The following ADRA1B variants were observed in gnomAD, a reference collection of about 807,000 sequenced individuals.
The protein encoded by ADRA1B is adrenoceptor alpha 1B, also known as alpha-1B adrenergic receptor.
Under a neutral mutation model 17.9 loss-of-function variants are expected in ADRA1B, and 17 were observed. The ratio of observed to expected loss-of-function variants is 0.95; its 90% confidence interval spans 0.65 to 1.42. The LOEUF (loss-of-function observed/expected upper bound fraction) is 1.42, where lower values mean the gene tolerates loss of function less well. Among genes scored for constraint, ADRA1B ranks in the 40% most tolerant of loss-of-function variants. The pLI, the probability that ADRA1B is intolerant of heterozygous loss-of-function variation, is 0.00. For missense variants in ADRA1B, 681 were observed against 722.1 expected (o/e 0.94, Z 0.65); for synonymous variants, 366 against 327.6 (o/e 1.12, Z -1.27).
At chr5:159,929,994 A>G (rs189671327) in intron 1 of ADRA1B, among the ~76,000 whole-genome samples, 13 of 152,326 alleles carry the variant, frequency 8.5e-5, no homozygotes, top group Admixed American at 8.5e-4. Context: ...CACTTCAGTG[A>G]AAGTTTCATT....
At chr5:159,869,675 T>C (rs916321844) in intron 1 of ADRA1B, 1 of 152,246 alleles carries the variant, frequency 6.6e-6, no homozygotes, top group East Asian at 1.9e-4. Context: ...TTCCTGACTT[T>C]GGGGCTGGCA....
At chr5:159,940,805 T>G (rs1274202518) in intron 1 of ADRA1B, among the ~76,000 whole-genome samples, 2 of 152,224 alleles carry the variant, frequency 1.3e-5, no homozygotes, top group African/African-American at 2.4e-5. Context: ...TTCTCTGTAG[T>G]GAGCATGAAT....
rs1050415172 is a variant in ADRA1B at position 159,972,361 on chromosome 5, C to G, written c.1432C>G (p.Leu478Val). 2.0e-6 allele frequency: 3 copies of G among 1,511,652 alleles called. No homozygotes were observed. Among genetic ancestry groups the G allele is most frequent in the South Asian group, 2.4e-5 (2 of 81,830 alleles). 93.6% of individuals were successfully genotyped at this position (1,511,652 alleles called of 1,614,324 possible). The change falls in exon 2 of 2, where the codon CTC becomes GTC. Residue 478 changes from leucine to valine, a missense_variant. Around this residue, in one of 3 missense-constraint regions of ADRA1B, gnomAD observed 251 missense variants for 224.9 expected, o/e 1.12. Transcript: ENST00000306675. ...CTCGGGCCCGCTCTTCACCTTCAAGCTCCTGACCGAGCCCGAGAGCCCCGG... is the reference window on the plus strand; with the variant it reads ...CTCGGGCCCGCTCTTCACCTTCAAGGTCCTGACCGAGCCCGAGAGCCCCGG... Reference protein sequence around the residue: ...HDSGPLFTFKLLTEPESPGTD... With the variant: ...HDSGPLFTFKVLTEPESPGTD...
rs188294825 is a variant in ADRA1B, at chr5:159,946,043, A to C, written c.950-25836A>C. Among the ~76,000 whole-genome samples the C allele has an allele frequency of 2.0e-5, 3 of 152,184 alleles. No individual in the cohort carries two copies. In the South Asian group the frequency reaches 6.2e-4, roughly 31 times the overall value. ...ATTACAGGCGTGAGCCACCGCGCCC[A>C]GCCCGATTTCTGTTTTTAAAGACTT... On this transcript the variant is annotated intron_variant, in intron 1 of 1. Transcript: ENST00000306675.
intron 1 of ADRA1B, among the ~76,000 whole-genome samples, chr5:159,944,867 G>GA (rs1299214007): frequency 2.0e-5 from 3 of 152,086 alleles, no homozygotes; most frequent in African/African-American, 4.8e-5. Context: ...ATACAAGAGT[G>GA]AAAAAAACAG....
chr5:159,955,176 G>A (rs1206545054), intron 1 of ADRA1B: 1 of 985,264 alleles, frequency 1.0e-6, no homozygotes, highest in Non-Finnish European at 1.2e-6. Context: ...TGGAGATGGT[G>A]TACCAGCGTC....
At chr5:159,880,518 TC>T (rs1753851538) in intron 1 of ADRA1B, among the ~76,000 whole-genome samples, 3 of 152,310 alleles carry the variant, frequency 2.0e-5, no homozygotes, top group Admixed American at 2.0e-4. Flanking sequence ...TTAAAGGTCA[TC>T]CCATCTAAAC....
intron 1 of ADRA1B, among the ~76,000 whole-genome samples, chr5:159,968,069 A>G (rs1433185778): frequency 6.6e-6 from 1 of 152,190 alleles, no homozygotes; most frequent in Non-Finnish European, 1.5e-5. Flanking sequence ...TCATCTCTGC[A>G]TTCCCACAGC....
chr5:159,978,052 T>C, the ADRA1B span, among the ~76,000 whole-genome samples: 1 of 152,176 alleles, frequency 6.6e-6, no homozygotes, highest in Non-Finnish European at 1.5e-5. Context: ...CCTTTCCCAC[T>C]TAATTTTTCT....
At chr5:159,868,011 C>T (rs943702516) in intron 1 of ADRA1B, 1 of 152,204 alleles carries the variant, frequency 6.6e-6, no homozygotes, top group African/African-American at 2.4e-5. Flanking sequence ...AGAATCATGG[C>T]CTCTGTTCTA....
chr5:159,956,627 AT>A, intron 1 of ADRA1B, among the ~76,000 whole-genome samples: 1 of 152,264 alleles, frequency 6.6e-6, no homozygotes, highest in South Asian at 2.1e-4. Flanking sequence ...CATTACTGCA[AT>A]TTTTTATACT....
At chr5:159,936,117 C>T (rs749892327) in intron 1 of ADRA1B, among the ~76,000 whole-genome samples, 4 of 152,152 alleles carry the variant, frequency 2.6e-5, no homozygotes, top group Admixed American at 6.5e-5. Flanking sequence ...CCCCAGGGGA[C>T]GTTTAGCAAT....
intron 1 of ADRA1B, among the ~76,000 whole-genome samples, chr5:159,918,426 C>T (rs926230146): frequency 6.6e-6 from 1 of 152,184 alleles, no homozygotes; most frequent in African/African-American, 2.4e-5. Flanking sequence ...GTTCATTATC[C>T]GTTAATAAGA....
At chr5:159,979,105 T>C in the ADRA1B span, among the ~76,000 whole-genome samples, 1 of 152,086 alleles carries the variant, frequency 6.6e-6, no homozygotes, top group African/African-American at 2.4e-5. Flanking sequence ...GCAAGAGGAT[T>C]GCTTGAGGCC....
chr5:159,938,628 T>C (rs1755020219), intron 1 of ADRA1B, among the ~76,000 whole-genome samples: 1 of 152,172 alleles, frequency 6.6e-6, no homozygotes, highest in Non-Finnish European at 1.5e-5. Context: ...AGAAGTGAAA[T>C]CAAAGACTAA....
downstream of ADRA1B, among the ~76,000 whole-genome samples, chr5:159,973,957 T>C (rs1459788201): frequency 1.3e-5 from 2 of 152,224 alleles, no homozygotes; most frequent in African/African-American, 2.4e-5. Flanking sequence ...ATCCCATCCC[T>C]TTTTTTCTTT....
intron 1 of ADRA1B, among the ~76,000 whole-genome samples, chr5:159,930,756 A>G (rs1402591164): frequency 6.6e-6 from 1 of 152,042 alleles, no homozygotes; most frequent in East Asian, 1.9e-4. Context: ...GGAGGAGTAG[A>G]TTATTAGCTT....
In ADRA1B at chr5:159,963,288, G is replaced by GTATATATATATA. The variant is rs10522262; in HGVS notation, c.950-8581_950-8570dup. Among the ~76,000 whole-genome samples, 1,058 of 132,688 alleles carry GTATATATATATA rather than the reference G, an allele frequency of 8.0e-3. 14 individuals are homozygous for GTATATATATATA. The highest frequency in any genetic ancestry group is 0.022 in the African/African-American group (752 of 34,820). The allele number at this position is 132,688 out of a possible 152,430, so 87.0% of individuals were successfully genotyped here. A position where few individuals can be genotyped will look rare whatever the true frequency, so the allele number is the denominator to read the frequency against. On this transcript the variant is annotated intron_variant, in intron 1 of 1. Transcript: ENST00000306675. ...ACTTGACAGTGAATAAACAAAAAAA[G>GTATATATATATA]TATATATATATATATATATATCCAC...
At chr5:159,891,753 A>G (rs928544924) in intron 1 of ADRA1B, among the ~76,000 whole-genome samples, 4 of 152,146 alleles carry the variant, frequency 2.6e-5, no homozygotes, top group Non-Finnish European at 5.9e-5. Context: ...GCATGCAACA[A>G]GGGCAAAGTG....
Sources: allele counts gnomAD v4.1 joint callset (sites outside exome capture counted in the v4.1 genomes callset), GRCh38; gene constraint gnomAD v4.1.1; regional missense constraint gnomAD v4.1.1; transcripts MANE v1.5; gene names NCBI Gene and HGNC (gene_info 2026-07-23, HGNC 2026-07-21).